The following KCNAB1 variants were observed in gnomAD, a reference collection of about 807,000 sequenced individuals.
KCNAB1 encodes the protein potassium voltage-gated channel subfamily A regulatory beta subunit 1.
KCNAB1 carries 35 observed loss-of-function variants against 64.6 expected under a neutral mutation model. The ratio of observed to expected loss-of-function variants is 0.54; its 90% confidence interval spans 0.41 to 0.72. KCNAB1 has a LOEUF of 0.72. KCNAB1 is among the 30% of genes least tolerant of loss of function. KCNAB1 has a pLI of 0.00. For synonymous variants in KCNAB1, 177 were observed against 183.8 expected, an observed-to-expected ratio of 0.96 and a Z score of 0.30; for missense variants, 401 against 512.9, an observed-to-expected ratio of 0.78 and a Z score of 2.11.
intron 1 of KCNAB1, among the ~76,000 whole-genome samples, chr3:156,153,146 A>G (rs1480234550): frequency 1.3e-5 from 2 of 152,172 alleles, no homozygotes. Flanking sequence ...TTCAATGTTC[A>G]CTGGAGGACA....
At chr3:156,283,414 C>G (rs1402953743) in intron 1 of KCNAB1, among the ~76,000 whole-genome samples, 5 of 150,116 alleles carry the variant, frequency 3.3e-5, no homozygotes, top group Non-Finnish European at 5.9e-5. Context: ...TCCTTCATTT[C>G]AACTTTGGTG....
At chr3:156,291,978 A>G in intron 1 of KCNAB1, 1 of 1,614,182 alleles carries the variant, frequency 6.2e-7, no homozygotes, top group Non-Finnish European at 8.5e-7. Context: ...CTTCTGAGCA[A>G]GCAGAGCTCC....
intron 1 of KCNAB1, among the ~76,000 whole-genome samples, chr3:156,223,506 A>G (rs1457697147): frequency 2.0e-5 from 3 of 152,204 alleles, no homozygotes; most frequent in African/African-American, 4.8e-5. Flanking sequence ...TCCCCACTAG[A>G]TTAGCTAGAC....
At chr3:156,332,395 C>G (rs959941492) in intron 1 of KCNAB1, among the ~76,000 whole-genome samples, 2 of 152,156 alleles carry the variant, frequency 1.3e-5, no homozygotes, top group Non-Finnish European at 2.9e-5. Context: ...CCTTTATACT[C>G]TAGTCCTTTA....
chr3:156,463,776 C>G (rs1296145334), intron 6 of KCNAB1, 30 bp downstream of exon 6: 1 of 1,550,912 alleles, frequency 6.4e-7, no homozygotes, highest in East Asian at 2.3e-5. Context: ...AAACAGAAAA[C>G]AACTAGTAGT....
At chr3:156,265,933 AGT>A (rs1391993036) in intron 1 of KCNAB1, among the ~76,000 whole-genome samples, 1 of 152,134 alleles carries the variant, frequency 6.6e-6, no homozygotes. Flanking sequence ...CGGAGGTTGC[AGT>A]GAGTCGAGAT....
At chr3:156,219,776 G>A (rs1351474855) in intron 1 of KCNAB1, among the ~76,000 whole-genome samples, 2 of 151,718 alleles carry the variant, frequency 1.3e-5, no homozygotes, top group Non-Finnish European at 2.9e-5. Flanking sequence ...GTGCAGGTTT[G>A]TTATATAGGT....
intron 1 of KCNAB1, chr3:156,291,255 C>G: frequency 2.0e-6 from 2 of 986,746 alleles, no homozygotes; most frequent in Non-Finnish European, 2.4e-6. Flanking sequence ...GGCTTTCGCT[C>G]GAGAATGAGT....
At chr3:156,382,546 C>A (rs189599634) in intron 1 of KCNAB1, among the ~76,000 whole-genome samples, 5 of 152,182 alleles carry the variant, frequency 3.3e-5, no homozygotes, top group Admixed American at 2.0e-4. Flanking sequence ...ACAGAACCTG[C>A]ATTTTCTAGT....
chr3:156,460,501 A>G, intron 5 of KCNAB1: 2 of 152,260 alleles, frequency 1.3e-5, no homozygotes, highest in East Asian at 3.8e-4. Context: ...ATCTATGGGC[A>G]GTGGGGAGGT....
chr3:156,162,438 C>T (rs1184919705), intron 1 of KCNAB1, among the ~76,000 whole-genome samples: 1 of 152,080 alleles, frequency 6.6e-6, no homozygotes, highest in Non-Finnish European at 1.5e-5. Flanking sequence ...CAGAGCCTTC[C>T]ATTAATTAGT....
intron 8 of KCNAB1, among the ~76,000 whole-genome samples, chr3:156,480,511 G>A (rs571361336): frequency 5.3e-5 from 8 of 151,006 alleles, no homozygotes; most frequent in South Asian, 2.1e-4. Context: ...AAACTTGCAC[G>A]TCCTGCACAT....
Position 156,531,496 on chromosome 3 carries a change from A to G in KCNAB1, c.1169A>G (p.Gln390Arg). Residue 390 changes from glutamine (Q) to arginine (R), a missense_variant and splice_region_variant, in exon 13 of 14, where the codon CAG (glutamine) becomes CGG (arginine). Transcript: ENST00000490337. Reference protein sequence around the residue: ...EQLIENLGAIQVLPKMTSHVV... With the variant: ...EQLIENLGAIRVLPKMTSHVV... ...CTCATTGAAAACCTTGGTGCCATTC[A>G]GGCAAGTACTGCAGCCCCTTCCAAC... is the stretch of plus-strand genomic sequence containing the variant. 1 of 1,608,034 alleles carries G rather than the reference A, an allele frequency of 6.2e-7. No homozygotes were observed.
intron 11 of KCNAB1, among the ~76,000 whole-genome samples, chr3:156,521,341 G>A (rs568767210): frequency 6.6e-6 from 1 of 152,234 alleles, no homozygotes; most frequent in African/African-American, 2.4e-5. Context: ...ACACTGCATT[G>A]GGGAGGAGGT....
At chr3:156,188,702 A>C (rs1371889405) in intron 1 of KCNAB1, among the ~76,000 whole-genome samples, 7 of 152,224 alleles carry the variant, frequency 4.6e-5, no homozygotes, top group African/African-American at 9.6e-5. Context: ...TTTCTTTTAA[A>C]ATATACTTAA....
chr3:156,291,454 A>G, intron 1 of KCNAB1: 1 of 1,018,824 alleles, frequency 9.8e-7, no homozygotes, highest in Non-Finnish European at 1.2e-6. Flanking sequence ...TCTTGCGGTA[A>G]GCCTGCGCTG....
Position 156,296,813 on chromosome 3 carries a change from G to A in KCNAB1, c.276-124803G>A, listed in dbSNP as rs948220329. On this transcript the variant is annotated intron_variant, in intron 1 of 13. Coordinates refer to ENST00000490337, the MANE Select transcript of KCNAB1 (RefSeq NM_172160.3). ...TTTAAAGTTAACTACCATTAAAATT[G>A]TTTTTGAAATAATTATAAATTTACA... is the stretch of plus-strand genomic sequence containing the variant. 9.2e-5 allele frequency among the ~76,000 whole-genome samples: 14 copies of A among 152,088 alleles called. 1 individual carries two copies. In the South Asian group the frequency reaches 1.2e-3, roughly 14 times the overall value.
Position 156,506,753 on chromosome 3 carries a change from C to T in KCNAB1, c.659-7611C>T, listed in dbSNP as rs141198644. On this transcript the variant is annotated intron_variant, in intron 8 of 13. Coordinates refer to ENST00000490337, the MANE Select transcript of KCNAB1 (RefSeq NM_172160.3). ...AATCAGTTTGGCCAGTGCCCTGATC[C>T]AGAAAGCATATTCCCTATAAACTGC... 1.4e-3 allele frequency among the ~76,000 whole-genome samples: 215 copies of T among 152,288 alleles called. 2 individuals carry two copies. Among genetic ancestry groups the T allele is most frequent in the African/African-American group, 5.0e-3 (208 of 41,564 alleles).
chr3:156,339,075 G>A (rs1005371223), intron 1 of KCNAB1, among the ~76,000 whole-genome samples: 3 of 152,156 alleles, frequency 2.0e-5, no homozygotes, highest in Non-Finnish European at 4.4e-5. Context: ...GACAGGGGAA[G>A]GCAGGAACTT....
Sources: gnomAD v4.1 joint callset for allele counts (sites outside exome capture counted in the v4.1 genomes callset) on GRCh38, gnomAD v4.1.1 for gene constraint, MANE v1.5 for transcripts, NCBI Gene and HGNC (gene_info 2026-07-23, HGNC 2026-07-21) for gene names.